SUSD5: variants seen among roughly 807,000 people sequenced by gnomAD.
SUSD5 encodes sushi domain containing 5.
In SUSD5, 33 loss-of-function variants were observed where a neutral mutation model predicts 29.5. The ratio of observed to expected loss-of-function variants is 1.12; its 90% CI spans 0.85 to 1.49. SUSD5 has a LOEUF of 1.49. SUSD5 is among the 40% of genes most tolerant of loss of function. The pLI, the probability that SUSD5 is intolerant of heterozygous loss-of-function variation, is 0.00. For missense variants in SUSD5, 776 were observed against 800.6 expected (o/e 0.97, Z 0.37); for synonymous variants, 308 against 325.3 (o/e 0.95, Z 0.57).
At chr3:33,165,993 AGAGT>A (rs1420367272) in intron 4 of SUSD5, among the ~76,000 whole-genome samples, 2 of 143,354 alleles carry the variant, frequency 1.4e-5, no homozygotes, top group Admixed American at 1.4e-4. Context: ...CCTGGGTGAC[AGAGT>A]GAGACCCCCC....
intron 3 of SUSD5, among the ~76,000 whole-genome samples, chr3:33,178,519 T>C (rs1277113659): frequency 6.6e-6 from 1 of 152,006 alleles, no homozygotes; most frequent in Non-Finnish European, 1.5e-5. Flanking sequence ...TGATTTTGGC[T>C]CACTGCAGGC....
rs1222228482 is a variant in SUSD5 at position 33,204,095 on chromosome 3, T to A, written c.409+3713A>T. Among the ~76,000 whole-genome samples, 1 of 151,990 alleles carries A rather than the reference T, an allele frequency of 6.6e-6. No individual in the cohort carries two copies. Among genetic ancestry groups the A allele is most frequent in the African/African-American group, 2.4e-5 (1 of 41,370 alleles). Reference sequence around the variant, plus strand: ...TGCCTGGCTAATTTTTTTTATTTTTTGAAGAGATGGTTTTTAGGGACAAAG... The same window carrying A: ...TGCCTGGCTAATTTTTTTTATTTTTAGAAGAGATGGTTTTTAGGGACAAAG... On this transcript the variant is annotated intron_variant, in intron 3 of 4. Coordinates refer to ENST00000309558, the MANE Select transcript of SUSD5 (RefSeq NM_015551.2). The surrounding 1 kb of genome is among the most constrained non-coding windows in gnomAD (Gnocchi z 4.5).
chr3:33,159,679 A>G (rs1298931131), intron 4 of SUSD5, among the ~76,000 whole-genome samples: 1 of 148,594 alleles, frequency 6.7e-6, no homozygotes, highest in Non-Finnish European at 1.5e-5. Context: ...ACCTACCAAA[A>G]TGGGGAAACA....
At chr3:33,155,116 AAAG>A (rs2125613192) in intron 4 of SUSD5, among the ~76,000 whole-genome samples, 1 of 152,342 alleles carries the variant, frequency 6.6e-6, no homozygotes, top group Non-Finnish European at 1.5e-5. Flanking sequence ...CTGTTCATTA[AAAG>A]CTACCACAAA....
intron 4 of SUSD5, among the ~76,000 whole-genome samples, chr3:33,169,615 C>T (rs148743763): frequency 1.5e-4 from 23 of 152,338 alleles, no homozygotes; most frequent in African/African-American, 5.3e-4. Context: ...TCCCAGAAGA[C>T]AGACAGCATG....
Position 33,153,506 on chromosome 3 carries a change from C to CAGG in SUSD5, c.1123_1125dup (p.Pro375dup). 6.2e-7 allele frequency: 1 copy of CAGG among 1,614,080 alleles called. No homozygotes were observed. Among genetic ancestry groups the CAGG allele is most frequent in the Non-Finnish European group, 8.5e-7 (1 of 1,179,996 alleles). On this transcript the variant is annotated inframe_insertion, in exon 5 of 5. Transcript: ENST00000309558. The stretch of plus-strand genomic sequence containing the variant: ...GTCTTCCTCCAAGCCCCCTCTGTCA[C>CAGG]AGGGTAGCCATCTAACCAGGACTCA...
Position 33,175,143 on chromosome 3 carries a change from A to G in SUSD5, c.410-69T>C, listed in dbSNP as rs2031523044. 22 of 1,530,910 alleles carry G rather than the reference A, an allele frequency of 1.4e-5. No homozygotes were observed. The East Asian group carries it at 5.0e-4, about 35-fold the overall frequency. The allele number at this position is 1,530,910 out of a possible 1,614,324, so 94.8% of individuals were successfully genotyped here. ...ACTTTTTCAGCCTATGAGAAAACAG[A>G]CTTAAAACACAACTCTCCCCTGCCG... On this transcript the variant is annotated intron_variant, in intron 3 of 4. Coordinates refer to ENST00000309558, the MANE Select transcript of SUSD5 (RefSeq NM_015551.2).
In SUSD5 at chr3:33,153,250, C is replaced by T. The variant is rs1575525272; in HGVS notation, c.1382G>A (p.Gly461Glu). The T allele has an allele frequency of 2.5e-6, 4 of 1,613,750 alleles. No individual in the cohort carries two copies. The highest frequency in any genetic ancestry group is 3.4e-6 in the Non-Finnish European group (4 of 1,179,870). Residue 461 changes from glycine to glutamate, a missense_variant, in exon 5 of 5, where the codon GGG (glycine) becomes GAG (glutamate). Coordinates refer to ENST00000309558, the MANE Select transcript of SUSD5 (RefSeq NM_015551.2). ...CTGGTACTTCGTCAAGTCACCATCC[C>T]CAATGCCCTCAGTCTCGGAAGCATT... is the stretch of plus-strand genomic sequence containing the variant. ...PVNASETEGIGDGDLTKYQST... is the reference protein window; with the variant it reads ...PVNASETEGIEDGDLTKYQST...
At chr3:33,163,914 G>GGT (rs1185331171) in intron 4 of SUSD5, among the ~76,000 whole-genome samples, 1 of 152,106 alleles carries the variant, frequency 6.6e-6, no homozygotes, top group African/African-American at 2.4e-5. Context: ...GCAGGAGAAT[G>GGT]GTGTGAACCC....
rs866922706 is a variant in SUSD5 at position 33,153,169 on chromosome 3, T to C, written c.1463A>G (p.Tyr488Cys). The C allele has an allele frequency of 1.2e-5, 19 of 1,613,714 alleles. No homozygotes were observed. Among genetic ancestry groups the C allele is most frequent in the Middle Eastern group, 1.6e-4 (1 of 6,084 alleles). The change falls in exon 5 of 5, where the codon TAT (tyrosine) becomes TGT (cysteine). Residue 488 changes from tyrosine to cysteine, a missense_variant. Physicochemically the swap from Tyr to Cys is radical, Grantham distance 194. Transcript: ENST00000309558. ...CTCCAGGGTGGAGCTGGTGAGCTCA[T>C]AGGACAGGGTGGCCATGGGAGATTC... ...TEESPMATLSYELTSSTLEIL... is the reference protein window; with the variant it reads ...TEESPMATLSCELTSSTLEIL...
At position 33,173,247 on chromosome 3, in the gene SUSD5, G is replaced by A. The variant is rs1007480154; in HGVS notation, c.598+1639C>T. 3.9e-5 allele frequency among the ~76,000 whole-genome samples: 6 copies of A among 152,186 alleles called. No homozygotes were observed. The South Asian group carries it at 6.2e-4, about 16-fold the overall frequency. ...TCCTAAAGCTGATGAGGTGCTGAAC[G>A]ACAAGGACTCTCAGACACAGCTGAT... On this transcript the variant is annotated intron_variant, in intron 4 of 4. Coordinates refer to ENST00000309558, the MANE Select transcript of SUSD5 (RefSeq NM_015551.2).
intron 3 of SUSD5, among the ~76,000 whole-genome samples, chr3:33,195,306 G>A (rs538054002): frequency 2.6e-5 from 4 of 152,202 alleles, no homozygotes; most frequent in South Asian, 4.1e-4. Context: ...AACTCTTTTC[G>A]CTTGTCCTAT....
At chr3:33,166,937 G>C (rs2031316773) in intron 4 of SUSD5, among the ~76,000 whole-genome samples, 1 of 152,080 alleles carries the variant, frequency 6.6e-6, no homozygotes, top group African/African-American at 2.4e-5. Flanking sequence ...CCAGCACTTT[G>C]GGAGGCCGAG....
chr3:33,207,734 T>C (rs2032247903), intron 3 of SUSD5, 74 bp downstream of exon 3: 3 of 1,004,118 alleles, frequency 3.0e-6, no homozygotes, highest in African/African-American at 3.3e-5. Flanking sequence ...GGTTTTCTTC[T>C]AGAGAAACCA....
At chr3:33,159,921 A>C (rs4678486) in intron 4 of SUSD5, among the ~76,000 whole-genome samples, 47,771 of 152,044 alleles carry the variant, frequency 0.31, 8,840 homozygotes, top group East Asian at 0.51. Context: ...GACCTGGCTT[A>C]GCTCCTAACC....
intron 3 of SUSD5, among the ~76,000 whole-genome samples, chr3:33,198,558 A>G (rs2032040713): frequency 6.6e-6 from 1 of 152,224 alleles, no homozygotes; most frequent in Non-Finnish European, 1.5e-5. Flanking sequence ...CAAAAAGTGC[A>G]TCCTAGCTGA....
chr3:33,177,104 CTTTG>C (rs1455820113), intron 3 of SUSD5, among the ~76,000 whole-genome samples: 4 of 152,168 alleles, frequency 2.6e-5, no homozygotes, highest in African/African-American at 4.8e-5. Context: ...AAACTACAGA[CTTTG>C]TTTGTTAACC....
intron 3 of SUSD5, among the ~76,000 whole-genome samples, chr3:33,189,644 T>A (rs1457034996): frequency 6.6e-6 from 1 of 152,198 alleles, no homozygotes; most frequent in Non-Finnish European, 1.5e-5. Flanking sequence ...GTGTTAAATG[T>A]TCTGTATTTG....
At chr3:33,208,288 C>T (rs2032260475) in intron 2 of SUSD5, among the ~76,000 whole-genome samples, 1 of 151,978 alleles carries the variant, frequency 6.6e-6, no homozygotes, top group Non-Finnish European at 1.5e-5. Context: ...TTTTCCTTTT[C>T]TAACAAACAT....
Sources: gnomAD v4.1 joint callset for allele counts (sites outside exome capture counted in the v4.1 genomes callset) on GRCh38, gnomAD v4.1.1 for gene constraint, Gnocchi (gnomAD v3.1) non-coding constraint, MANE v1.5 for transcripts, NCBI Gene and HGNC (gene_info 2026-07-23, HGNC 2026-07-21) for gene names.